The following ADAMTS6 variants were observed in gnomAD, a reference collection of about 807,000 sequenced individuals.
ADAMTS6 encodes the protein ADAM metallopeptidase with thrombospondin type 1 motif 6, also known as A disintegrin and metalloproteinase with thrombospondin motifs 6.
In ADAMTS6, 23 loss-of-function variants were observed where a neutral mutation model predicts 144.3. The observed-to-expected ratio is 0.16, with a 90% CI of 0.11 to 0.23. The LOEUF is 0.23. Ranked by LOEUF, ADAMTS6 falls within the 10% of genes least tolerant of loss-of-function variation. The probability of loss-of-function intolerance (pLI) is 1.00; values close to 1 mark genes in which losing one functional copy is unlikely to be tolerated. For synonymous variants in ADAMTS6, 444 were observed against 457.5 expected (o/e 0.97, Z 0.38); for missense variants, 999 against 1,379.6 (o/e 0.72, Z 4.37).
intron 7 of ADAMTS6, among the ~76,000 whole-genome samples, chr5:65,351,372 TA>T (rs1451498567): frequency 1.3e-5 from 2 of 151,002 alleles, no homozygotes; most frequent in Non-Finnish European, 2.9e-5. Context: ...AAAATGTTTT[TA>T]AAACTTCACA....
chr5:65,411,869 A>C (rs1248952534), intron 7 of ADAMTS6, among the ~76,000 whole-genome samples: 1 of 152,204 alleles, frequency 6.6e-6, no homozygotes, highest in East Asian at 1.9e-4. Context: ...TATATCCTTA[A>C]GTATAAAGAA....
At chr5:65,416,673 G>A (rs916191038) in intron 7 of ADAMTS6, among the ~76,000 whole-genome samples, 8 of 151,382 alleles carry the variant, frequency 5.3e-5, no homozygotes, top group East Asian at 1.9e-4. Flanking sequence ...CCCAGGAGGC[G>A]GAGGTTGCAG....
chr5:65,276,113 CT>C (rs1762515328), intron 11 of ADAMTS6, among the ~76,000 whole-genome samples: 1 of 152,106 alleles, frequency 6.6e-6, no homozygotes, highest in African/African-American at 2.4e-5. Context: ...CCAAAAGTGC[CT>C]TGAAAATCTC....
chr5:65,152,245 A>C (rs1055638088), intron 24 of ADAMTS6, among the ~76,000 whole-genome samples: 5 of 152,230 alleles, frequency 3.3e-5, no homozygotes, highest in Admixed American at 3.3e-4. Context: ...TTGCTAGGAT[A>C]AGTGATCACT....
chr5:65,440,113 T>G (rs1757753019), intron 7 of ADAMTS6, among the ~76,000 whole-genome samples: 1 of 152,180 alleles, frequency 6.6e-6, no homozygotes, highest in African/African-American at 2.4e-5. Context: ...CAGCTGAGAA[T>G]GTTTTTGTTC....
At position 65,149,792 on chromosome 5, in the gene ADAMTS6, T is replaced by C. The variant is rs1752044833; in HGVS notation, c.*2044A>G. ...TGTTCTTTGAAAAGGCGCAAGGGAA[T>C]TCAGTGCTCGGGCCATACTACCCAT... On this transcript the variant is annotated 3_prime_UTR_variant, in exon 25 of 25. Coordinates refer to ENST00000381055, the MANE Select transcript of ADAMTS6 (RefSeq NM_197941.4). The C allele has an allele frequency of 6.6e-6, 1 of 152,582 alleles. No homozygotes were observed. The highest frequency in any genetic ancestry group is 1.5e-5 in the Non-Finnish European group (1 of 68,030). The allele number at this position is 152,582 out of a possible 1,614,324, so 9.5% of individuals were successfully genotyped here.
chr5:65,325,421 A>G (rs1453750750), intron 9 of ADAMTS6, among the ~76,000 whole-genome samples: 2 of 152,090 alleles, frequency 1.3e-5, no homozygotes, highest in Non-Finnish European at 2.9e-5. Flanking sequence ...GAGAATTCCT[A>G]CGGTTGAGAC....
chr5:65,452,787 A>G lies in ADAMTS6; in HGVS notation c.763T>C (p.Leu255=), dbSNP rs1171003160. 21 of 1,613,974 alleles carry G rather than the reference A, an allele frequency of 1.3e-5. No homozygotes were observed. The South Asian group carries it at 1.8e-4, about 14-fold the overall frequency. ...SVSIERFVET[L]VVADKMMVGY... The stretch of plus-strand genomic sequence containing the variant: ...ACCATCATTTTGTCTGCCACTACCA[A>G]TGTCTCCACAAACCGTTCAATGCTC... The change falls in exon 5 of 25, where the codon TTG becomes CTG. Residue 255 remains leucine, a synonymous_variant. Coordinates refer to ENST00000381055, the MANE Select transcript of ADAMTS6 (RefSeq NM_197941.4).
intron 9 of ADAMTS6, among the ~76,000 whole-genome samples, chr5:65,311,561 A>C (rs1744494511): frequency 6.6e-6 from 1 of 152,146 alleles, no homozygotes; most frequent in African/African-American, 2.4e-5. Flanking sequence ...TATAAACGAC[A>C]GAATTTATCA....
chr5:65,321,452 T>C (rs1483596150), intron 9 of ADAMTS6, among the ~76,000 whole-genome samples: 1 of 152,172 alleles, frequency 6.6e-6, no homozygotes, highest in Non-Finnish European at 1.5e-5. Flanking sequence ...CTTTGTTAGA[T>C]GCATAGTCTG....
chr5:65,357,290 T>C (rs1278208877), intron 7 of ADAMTS6, among the ~76,000 whole-genome samples: 5 of 151,826 alleles, frequency 3.3e-5, no homozygotes, highest in Admixed American at 2.6e-4. Context: ...AACATACCTA[T>C]GGGATGCACA....
chr5:65,195,632 G>A (rs1377562107), intron 21 of ADAMTS6, among the ~76,000 whole-genome samples: 1 of 152,206 alleles, frequency 6.6e-6, no homozygotes, highest in East Asian at 1.9e-4. Flanking sequence ...ACGTTATTTG[G>A]GACATGGATT....
At chr5:65,480,798 C>T (rs1252005649) in intron 1 of ADAMTS6, among the ~76,000 whole-genome samples, 1 of 152,132 alleles carries the variant, frequency 6.6e-6, no homozygotes, top group Admixed American at 6.5e-5. Flanking sequence ...CACACGTTTC[C>T]ATCTCTTTGA....
intron 7 of ADAMTS6, among the ~76,000 whole-genome samples, chr5:65,357,791 A>C (rs939157883): frequency 1.3e-5 from 2 of 151,884 alleles, no homozygotes; most frequent in African/African-American, 4.8e-5. Flanking sequence ...AATCATGATG[A>C]AATACAAACT....
intron 7 of ADAMTS6, among the ~76,000 whole-genome samples, chr5:65,404,023 T>C (rs901530237): frequency 6.6e-6 from 1 of 152,152 alleles, no homozygotes; most frequent in Non-Finnish European, 1.5e-5. Flanking sequence ...TAAGAATCTT[T>C]GCCCAAGTTG....
chr5:65,457,729 GT>G (rs975056636), intron 4 of ADAMTS6, among the ~76,000 whole-genome samples: 2 of 141,996 alleles, frequency 1.4e-5, no homozygotes, highest in African/African-American at 5.2e-5. Context: ...TTGAATCCTA[GT>G]TTTTTTCTTT....
intron 9 of ADAMTS6, among the ~76,000 whole-genome samples, chr5:65,327,217 T>C (rs1561427645): frequency 6.6e-6 from 1 of 152,084 alleles, no homozygotes; most frequent in East Asian, 1.9e-4. Flanking sequence ...GCTTCCTGAG[T>C]CCCTCACTAG....
chr5:65,257,691 C>T (rs1336547569), intron 14 of ADAMTS6, among the ~76,000 whole-genome samples: 2 of 152,224 alleles, frequency 1.3e-5, no homozygotes, highest in Non-Finnish European at 2.9e-5. Flanking sequence ...AGGCCTTGCA[C>T]TTAATTTTCC....
chr5:65,201,070 C>T (rs1402479691), intron 20 of ADAMTS6, among the ~76,000 whole-genome samples: 1 of 152,174 alleles, frequency 6.6e-6, no homozygotes, highest in Non-Finnish European at 1.5e-5. Flanking sequence ...TGAATCACTG[C>T]TCTAGCTACA....
Sources: allele counts gnomAD v4.1 joint callset (sites outside exome capture counted in the v4.1 genomes callset), GRCh38; gene constraint gnomAD v4.1.1; transcripts MANE v1.5; gene names NCBI Gene and HGNC (gene_info 2026-07-23, HGNC 2026-07-21).